LAMB4: variants seen among roughly 807,000 people sequenced by gnomAD.
The protein encoded by LAMB4 is laminin subunit beta 4.
A neutral mutation model predicts 199.2 loss-of-function variants in LAMB4; 196 were observed. That is an observed-to-expected ratio of 0.98 (90% CI 0.88 to 1.11). The LOEUF (loss-of-function observed/expected upper bound fraction) is 1.11, where lower values mean the gene tolerates loss of function less well. LAMB4 is among the 50% of genes least tolerant of loss of function. The pLI is 0.00. For missense variants in LAMB4, 2,080 were observed against 2,171.2 expected, an observed-to-expected ratio of 0.96 and a Z score of 0.83; for synonymous variants, 744 against 770.6, an observed-to-expected ratio of 0.97 and a Z score of 0.57.
At chr7:108,034,121 C>A in intron 31 of LAMB4, 87 bp downstream of exon 31, 2 of 1,269,628 alleles carry the variant, frequency 1.6e-6, no homozygotes, top group South Asian at 1.2e-5. Context: ...ACTCGTAAAG[C>A]AAGCATAGCA....
intron 2 of LAMB4, among the ~76,000 whole-genome samples, chr7:108,118,032 A>T (rs1224196876): frequency 1.3e-5 from 2 of 152,208 alleles, no homozygotes; most frequent in Admixed American, 1.3e-4. Context: ...CTGGGAATGC[A>T]GCCCAGTAGG....
At chr7:108,072,375 CT>C (rs1255376480) in intron 17 of LAMB4, among the ~76,000 whole-genome samples, 5 of 152,146 alleles carry the variant, frequency 3.3e-5, no homozygotes, top group African/African-American at 1.2e-4. Context: ...TTTATCCATA[CT>C]TTCCTTTTGT....
intron 10 of LAMB4, among the ~76,000 whole-genome samples, chr7:108,102,223 A>G (rs2037838586): frequency 6.6e-6 from 1 of 152,248 alleles, no homozygotes; most frequent in African/African-American, 2.4e-5. Context: ...AAACTTCTAT[A>G]AGAAATTAAA....
chr7:108,017,415 G>T, the LAMB4 span, among the ~76,000 whole-genome samples: 3 of 152,298 alleles, frequency 2.0e-5, no homozygotes, highest in African/African-American at 7.2e-5. Context: ...AGAAGAAACA[G>T]GGTGGAGGGC....
In LAMB4 at chr7:108,024,145, C is replaced by T. The variant is rs1174985280; in HGVS notation, c.5180G>A (p.Ser1727Asn). ...CAGTTGATCAGCTTTTGCTTGTCTA[C>T]TTAGATTCAAATCTTGGATTTTCCT... ...LERKIQDLNL[S>N]RQAKADQLRI... Residue 1727 changes from serine (S) to asparagine (N), a missense_variant, in exon 34 of 34, where the codon AGT becomes AAT. Ser to Asn is a conservative substitution (Grantham distance 46). Coordinates refer to ENST00000388781, the MANE Select transcript of LAMB4 (RefSeq NM_007356.3). The T allele has an allele frequency of 6.3e-7, 1 of 1,581,896 alleles. No individual in the cohort carries two copies. Among genetic ancestry groups the T allele is most frequent in the Admixed American group, 1.8e-5 (1 of 55,840 alleles).
chr7:108,120,422 T>C (rs1198563407), intron 2 of LAMB4, among the ~76,000 whole-genome samples: 1 of 152,208 alleles, frequency 6.6e-6, no homozygotes, highest in African/African-American at 2.4e-5. Context: ...CCACACAAGT[T>C]ACTAAATGAC....
chr7:108,025,389 TTTTC>T (rs60438956), intron 33 of LAMB4, among the ~76,000 whole-genome samples: 18,025 of 91,384 alleles, frequency 0.2, 1,782 homozygotes, highest in Admixed American at 0.3. Context: ...TTTTCTTTTC[TTTTC>T]TTTCTTTCTT....
At position 108,055,998 on chromosome 7, in the gene LAMB4, C is replaced by T. The variant is rs768626901; in HGVS notation, c.3389G>A (p.Cys1130Tyr). The T allele has an allele frequency of 1.9e-6, 3 of 1,604,352 alleles. No individual in the cohort carries two copies. Residue 1130 changes from cysteine (C) to tyrosine (Y), a missense_variant, in exon 25 of 34, where the codon TGT becomes TAT. Transcript: ENST00000388781. ...DPPGRCIPCD[C>Y]NRAGTQKPIC... The stretch of plus-strand genomic sequence containing the variant: ...GGGCTTCTGGGTACCTGCCCTGTTA[C>T]AATCACATGCTAAAAAGGAAAACAG...
At position 108,104,525 on chromosome 7, in the gene LAMB4, G is replaced by A; in HGVS notation, c.965C>T (p.Ala322Val). 1 of 1,614,220 alleles carries A rather than the reference G, an allele frequency of 6.2e-7. No homozygotes were observed. The highest frequency in any genetic ancestry group is 8.5e-7 in the Non-Finnish European group (1 of 1,180,034). ...TCTGCAAGCGTTGTCCTGGAGGTCT[G>A]CAGCTGGCCTCCAAGGAGCATCCTG... The part of the protein sequence containing the change: ...FFQDAPWRPA[A>V]DLQDNACRSC... The change falls in exon 9 of 34, where the codon GCA (alanine) becomes GTA (valine). Residue 322 changes from alanine (A) to valine (V), a missense_variant. Physicochemically the swap from Ala to Val is moderately conservative, Grantham distance 64. Transcript: ENST00000388781.
chr7:108,038,883 G>T (rs1056609417), intron 29 of LAMB4, among the ~76,000 whole-genome samples: 4 of 152,182 alleles, frequency 2.6e-5, no homozygotes, highest in Non-Finnish European at 5.9e-5. Flanking sequence ...TCCTCAGGGG[G>T]CTTGCCGTCA....
chr7:108,023,993 TCAGAAAC>T lies in LAMB4; in HGVS notation c.*39_*45del, dbSNP rs1417526911. ...CAACAGAGCCCCAGGGGCTTGTACA[TCAGAAAC>T]CAGAAACAAAGGCACAAGCTTTTGC... On this transcript the variant is annotated 3_prime_UTR_variant, in exon 34 of 34. Coordinates refer to ENST00000388781, the MANE Select transcript of LAMB4 (RefSeq NM_007356.3). The T allele has an allele frequency of 6.5e-7, 1 of 1,548,336 alleles. No homozygotes were observed. Among genetic ancestry groups the T allele is most frequent in the Non-Finnish European group, 8.7e-7 (1 of 1,149,594 alleles).
Position 108,079,622 on chromosome 7 carries a change from A to G in LAMB4, c.1866T>C (p.Ile622=). Residue 622 remains isoleucine (I), a synonymous_variant, in exon 15 of 34, where the codon ATT becomes ATC. Transcript: ENST00000388781. The stretch of plus-strand genomic sequence containing the variant: ...ATACCTGGGTTTCATAGTGAATGGC[A>G]ATGGTGAAGTCCACAGGAAAGGGAA... ...NNIPFPVDFT[I]AIHYETQSAA... 1 of 1,608,744 alleles carries G rather than the reference A, an allele frequency of 6.2e-7. No individual in the cohort carries two copies. The highest frequency in any genetic ancestry group is 1.7e-5 in the Admixed American group (1 of 58,828).
intron 22 of LAMB4, 45 bp from the exon 23 acceptor site, chr7:108,063,039 G>C (rs374130944): frequency 7.5e-7 from 1 of 1,325,722 alleles, no homozygotes; most frequent in Admixed American, 2.5e-5. Context: ...AATGATAAAT[G>C]TGGCATTTAG....
Position 108,056,027 on chromosome 7 carries a change from G to T in LAMB4, c.3380-20C>A. 1.3e-6 allele frequency: 2 copies of T among 1,584,386 alleles called. No individual in the cohort carries two copies. Among genetic ancestry groups the T allele is most frequent in the South Asian group, 2.3e-5 (2 of 86,816 alleles). ...CACATGCTAAAAAGGAAAACAGAAG[G>T]AGCAGAGAATGTCACTGGGCCTTTT... is the stretch of plus-strand genomic sequence containing the variant. On this transcript the variant is annotated intron_variant, in intron 24 of 33. Coordinates refer to ENST00000388781, the MANE Select transcript of LAMB4 (RefSeq NM_007356.3).
intron 11 of LAMB4, 43 bp from the exon 12 acceptor site, chr7:108,095,380 C>G (rs1235910463): frequency 1.4e-6 from 2 of 1,404,938 alleles, no homozygotes; most frequent in Admixed American, 3.4e-5. Flanking sequence ...CTTAATTCCT[C>G]CACTCTTGCA....
intron 14 of LAMB4, among the ~76,000 whole-genome samples, chr7:108,091,273 T>C (rs2037391375): frequency 6.6e-6 from 1 of 152,186 alleles, no homozygotes; most frequent in East Asian, 1.9e-4. Context: ...CACCCTTTTA[T>C]AGTTTATAGT....
intron 14 of LAMB4, among the ~76,000 whole-genome samples, chr7:108,080,819 A>T (rs532883579): frequency 6.7e-5 from 9 of 134,962 alleles, no homozygotes; most frequent in East Asian, 2.0e-4. Context: ...TCAAACATTT[A>T]AAAAAAAAAA....
chr7:108,042,527 T>C (rs2035454013), intron 29 of LAMB4, among the ~76,000 whole-genome samples: 1 of 152,100 alleles, frequency 6.6e-6, no homozygotes, highest in African/African-American at 2.4e-5. Context: ...TTCCTAGACC[T>C]GGGTCCAGTC....
chr7:108,058,345 T>A (rs573023237), intron 23 of LAMB4, among the ~76,000 whole-genome samples: 2 of 152,382 alleles, frequency 1.3e-5, no homozygotes, highest in Admixed American at 1.3e-4. Context: ...ATGTATGATG[T>A]AGTTTTCACC....
Sources: allele counts gnomAD v4.1 joint callset (sites outside exome capture counted in the v4.1 genomes callset), GRCh38; gene constraint gnomAD v4.1.1; transcripts MANE v1.5; gene names NCBI Gene and HGNC (gene_info 2026-07-23, HGNC 2026-07-21).